DNAH17: variants seen among roughly 807,000 people sequenced by gnomAD.
DNAH17 encodes the protein dynein axonemal heavy chain 17.
DNAH17 carries 376 observed loss-of-function variants against 485.6 expected under a neutral mutation model. The ratio of observed to expected loss-of-function variants is 0.77; its 90% CI spans 0.71 to 0.84. DNAH17 has a LOEUF of 0.84. Among genes scored for constraint, DNAH17 ranks in the 40% least tolerant of loss-of-function variants. The pLI, the probability that DNAH17 is intolerant of heterozygous loss-of-function variation, is 0.00. For synonymous variants in DNAH17, 3,031 were observed against 2,405.9 expected (o/e 1.26, Z -7.60); for missense variants, 6,370 against 5,839.3 (o/e 1.09, Z -2.96).
At chr17:78,499,156 A>C in intron 36 of DNAH17, 44 bp from the exon 37 acceptor site, 3 of 1,218,642 alleles carry the variant, frequency 2.5e-6, no homozygotes, top group Non-Finnish European at 2.2e-6. Context: ...GGAGGGTGAC[A>C]GGGAGGGCGG....
chr17:78,565,692 G>A lies in DNAH17; in HGVS notation c.1569+922C>T, dbSNP rs148133470. ...AAGTAGGCCAGGCGTGGTAGCTCAC[G>A]CCTGTAATCCCAGCACTTTGGGAGG... is the stretch of plus-strand genomic sequence containing the variant. On this transcript the variant is annotated intron_variant, in intron 11 of 80. Coordinates refer to ENST00000389840, the MANE Select transcript of DNAH17 (RefSeq NM_173628.4). Among the ~76,000 whole-genome samples the A allele has an allele frequency of 7.9e-3, 1,208 of 152,288 alleles. 8 individuals carry two copies. The highest frequency in any genetic ancestry group is 0.012 in the Non-Finnish European group (812 of 68,020).
Position 78,437,161 on chromosome 17 carries a change from A to G in DNAH17, c.12033+480T>C, listed in dbSNP as rs532586493. On this transcript the variant is annotated intron_variant, in intron 74 of 80. Coordinates refer to ENST00000389840, the MANE Select transcript of DNAH17 (RefSeq NM_173628.4). The stretch of plus-strand genomic sequence containing the variant: ...GGTCAGAGGGGGGCTGAAGGCAAGG[A>G]AACCTGGTCACAGATCCAGAGCCTC... Among the ~76,000 whole-genome samples the G allele has an allele frequency of 5.7e-4, 87 of 152,190 alleles. 1 individual carries two copies. The highest frequency in any genetic ancestry group is 2.0e-3 in the African/African-American group (83 of 41,494).
chr17:78,552,592 C>G (rs537535372), intron 15 of DNAH17, 105 bp downstream of exon 15: 7 of 687,304 alleles, frequency 1.0e-5, no homozygotes, highest in South Asian at 2.0e-5. Flanking sequence ...CAGATCCACA[C>G]AGCCAGGAGG....
At position 78,507,278 on chromosome 17, in the gene DNAH17, C is replaced by T. The variant is rs2090511997; in HGVS notation, c.4676G>A (p.Ser1559Asn). The change falls in exon 29 of 81, where the codon AGC becomes AAC. Residue 1559 changes from serine to asparagine, a missense_variant and splice_region_variant. By Grantham distance (46) the Ser-to-Asn change is conservative. Coordinates refer to ENST00000389840, the MANE Select transcript of DNAH17 (RefSeq NM_173628.4). ...LYNKLEALKK[S>N]LAICEKALAE... ...TGGTCTGGATAGGTGTGAGCCGCAC[C>T]TCTTCTTCAGGGCCTCCAGTTTATT... 1 of 1,613,854 alleles carries T rather than the reference C, an allele frequency of 6.2e-7. No homozygotes were observed. The highest frequency in any genetic ancestry group is 8.5e-7 in the Non-Finnish European group (1 of 1,179,902).
In DNAH17 at chr17:78,571,607, T is replaced by G; in HGVS notation, c.715A>C (p.Lys239Gln). Residue 239 changes from lysine to glutamine, a missense_variant, in exon 4 of 81, where the codon AAG becomes CAG. Transcript: ENST00000389840. ...EFWDTRLLNL[K>Q]CIHEQLNRPK... ...GGCCGTACCTGTTCATGGATGCACTTGAGGTTCAGCAGCCGAGTGTCCCAG... is the reference window on the plus strand; with the variant it reads ...GGCCGTACCTGTTCATGGATGCACTGGAGGTTCAGCAGCCGAGTGTCCCAG... 1.2e-6 allele frequency: 2 copies of G among 1,613,870 alleles called. No individual in the cohort carries two copies. Among genetic ancestry groups the G allele is most frequent in the Non-Finnish European group, 1.7e-6 (2 of 1,179,868 alleles).
In DNAH17 at chr17:78,451,716, C is replaced by G; in HGVS notation, c.10530-43G>C. 6 of 1,509,994 alleles carry G rather than the reference C, an allele frequency of 4.0e-6. No individual in the cohort carries two copies. In the Middle Eastern group the frequency reaches 1.1e-3, roughly 274 times the overall value. The allele number at this position is 1,509,994 out of a possible 1,614,324, so 93.5% of individuals were successfully genotyped here. ...AAAGGGTTAGTGGGCCTCCCAGTGA[C>G]CAGGGGAGAGGAACACAAGTACAGA... is the stretch of plus-strand genomic sequence containing the variant. On this transcript the variant is annotated intron_variant, in intron 65 of 80. Transcript: ENST00000389840.
chr17:78,506,198 T>C (rs2090481088), intron 30 of DNAH17, among the ~76,000 whole-genome samples: 1 of 142,762 alleles, frequency 7.0e-6, no homozygotes, highest in Non-Finnish European at 1.5e-5. Flanking sequence ...TGGAGTGCAG[T>C]GGTGCGATCT....
At chr17:78,541,968 T>C (rs1216329838) in intron 17 of DNAH17, among the ~76,000 whole-genome samples, 1 of 152,032 alleles carries the variant, frequency 6.6e-6, no homozygotes, top group Admixed American at 6.6e-5. Flanking sequence ...GTCAAGTCAC[T>C]TCCTGGGGTG....
intron 2 of DNAH17, among the ~76,000 whole-genome samples, chr17:78,573,784 C>T (rs1016443897): frequency 8.7e-5 from 13 of 150,252 alleles, no homozygotes; most frequent in African/African-American, 2.9e-4. Context: ...CCCGCCGACA[C>T]CTTCAACTTC....
intron 55 of DNAH17, 50 bp downstream of exon 55, chr17:78,468,567 A>T: frequency 6.3e-7 from 1 of 1,578,060 alleles, no homozygotes. Context: ...CCTGTAGGCC[A>T]CGGGCACCAA....
At chr17:78,457,005 G>A (rs1340209697) in intron 62 of DNAH17, among the ~76,000 whole-genome samples, 2 of 152,240 alleles carry the variant, frequency 1.3e-5, no homozygotes, top group Admixed American at 6.5e-5. Context: ...TGTTCAGCAG[G>A]CAGCTGCCAG....
At position 78,479,471 on chromosome 17, in the gene DNAH17, G is replaced by A. The variant is rs1179572479; in HGVS notation, c.7900+14C>T. ...TTTTACCGATGGGAGAGGGGATGAG[G>A]CCAGCCAGCTTACCCAGGGCCGCGG... is the stretch of plus-strand genomic sequence containing the variant. On this transcript the variant is annotated intron_variant, in intron 50 of 80. Coordinates refer to ENST00000389840, the MANE Select transcript of DNAH17 (RefSeq NM_173628.4). 6.2e-7 allele frequency: 1 copy of A among 1,603,160 alleles called. No individual in the cohort carries two copies. The highest frequency in any genetic ancestry group is 2.2e-5 in the East Asian group (1 of 44,698).
At chr17:78,569,273 A>G in intron 8 of DNAH17, 21 bp from the exon 9 acceptor site, 1 of 1,598,260 alleles carries the variant, frequency 6.3e-7, no homozygotes, top group Non-Finnish European at 8.5e-7. Flanking sequence ...AGAAAGAGAG[A>G]TGAGGCCACG....
chr17:78,452,784 GAC>G (rs1349303534), intron 65 of DNAH17, among the ~76,000 whole-genome samples: 1 of 152,114 alleles, frequency 6.6e-6, no homozygotes, highest in Non-Finnish European at 1.5e-5. Context: ...GACACAAAAA[GAC>G]ACATGTTGCT....
chr17:78,476,048 A>T (rs1004957466), intron 52 of DNAH17, among the ~76,000 whole-genome samples: 10 of 152,164 alleles, frequency 6.6e-5, no homozygotes, highest in African/African-American at 2.4e-4. Context: ...ACTGTATCAG[A>T]AATGAATTCA....
rs199598566 is a variant in DNAH17, at chr17:78,514,743, G to A, written c.4113+31C>T. ...TGCAGCAGAGCTGGCCGCCAGGGGC[G>A]GTCCCCTCCGCCCACCATGGTGCAT... is the stretch of plus-strand genomic sequence containing the variant. On this transcript the variant is annotated intron_variant, in intron 26 of 80. Transcript: ENST00000389840. 7.6e-5 allele frequency: 122 copies of A among 1,606,212 alleles called. No individual in the cohort carries two copies. In the Admixed American group the frequency reaches 1.3e-3, roughly 18 times the overall value.
At chr17:78,542,238 C>G (rs2091614986) in intron 17 of DNAH17, among the ~76,000 whole-genome samples, 1 of 151,546 alleles carries the variant, frequency 6.6e-6, no homozygotes, top group African/African-American at 2.4e-5. Flanking sequence ...ACCTCCGCCT[C>G]CCAGGTTCAA....
chr17:78,454,127 A>G (rs991791185), intron 64 of DNAH17, among the ~76,000 whole-genome samples: 1 of 152,174 alleles, frequency 6.6e-6, no homozygotes. Context: ...CGTTATAGCC[A>G]TTGTTTCTCA....
rs752093772 is a variant in DNAH17, at chr17:78,486,311, C to T, written c.7014G>A (p.Val2338=). 3 of 1,613,380 alleles carry T rather than the reference C, an allele frequency of 1.9e-6. No homozygotes were observed. Among genetic ancestry groups the T allele is most frequent in the Non-Finnish European group, 2.5e-6 (3 of 1,179,450 alleles). ...ACAGCTCCCTGGGGGAGTCGGGGGG[C>T]ACGGTCTTCTCCGTGAGCAGGCACT... ...LLECLLTEKT[V]PPDSPRELYE... Residue 2338 remains valine, a synonymous_variant, in exon 45 of 81, where the codon GTG becomes GTA. Coordinates refer to ENST00000389840, the MANE Select transcript of DNAH17 (RefSeq NM_173628.4).
Sources: gnomAD v4.1 joint callset for allele counts (sites outside exome capture counted in the v4.1 genomes callset) on GRCh38, gnomAD v4.1.1 for gene constraint, MANE v1.5 for transcripts, NCBI Gene and HGNC (gene_info 2026-07-23, HGNC 2026-07-21) for gene names.